The following DRICH1 variants were observed in gnomAD, a reference collection of about 807,000 sequenced individuals.
DRICH1 encodes the protein aspartate rich 1.
Under a neutral mutation model 39.5 loss-of-function variants are expected in DRICH1, and 38 were observed. The ratio of observed to expected loss-of-function variants is 0.96; its 90% CI spans 0.74 to 1.26. The LOEUF (loss-of-function observed/expected upper bound fraction) is 1.26, where lower values mean the gene tolerates loss of function less well. Ranked by LOEUF, DRICH1 falls within the 50% of genes most tolerant of loss-of-function variation. DRICH1 has a pLI of 0.00. For synonymous variants in DRICH1, 84 were observed against 99.5 expected, an observed-to-expected ratio of 0.84 and a Z score of 0.93; for missense variants, 279 against 270.4, an observed-to-expected ratio of 1.03 and a Z score of -0.22.
intron 8 of DRICH1, among the ~76,000 whole-genome samples, chr22:23,616,446 C>T (rs952493435): frequency 7.2e-5 from 11 of 152,206 alleles, no homozygotes; most frequent in African/African-American, 2.7e-4. Flanking sequence ...TCTATTTCTG[C>T]ACCTTCCCTA....
chr22:23,595,810 C>T, the DRICH1 span, among the ~76,000 whole-genome samples: 1 of 152,076 alleles, frequency 6.6e-6, no homozygotes, highest in African/African-American at 2.4e-5. Flanking sequence ...CTCAGGAAAC[C>T]CTAAGCCAGG....
chr22:23,596,022 ACC>A, the DRICH1 span, among the ~76,000 whole-genome samples: 1 of 152,208 alleles, frequency 6.6e-6, no homozygotes, highest in African/African-American at 2.4e-5. Flanking sequence ...CTGTCTTCTC[ACC>A]GGAGCTCTCA....
intron 6 of DRICH1, among the ~76,000 whole-genome samples, chr22:23,618,466 A>G (rs1360349543): frequency 6.6e-6 from 1 of 152,110 alleles, no homozygotes; most frequent in Admixed American, 6.6e-5. Flanking sequence ...ATATTAAAAT[A>G]CTAAAATTAA....
rs908902043 is a variant in DRICH1, at chr22:23,612,947, T to A, written c.685+342A>T. On this transcript the variant is annotated intron_variant, in intron 11 of 11. Coordinates refer to ENST00000317749, the MANE Select transcript of DRICH1 (RefSeq NM_016449.4). ...AGTTGTGTCCCCCAGATTCCCTTCA[T>A]CACAGATGACACCCAGTGCTTAGGC... is the stretch of plus-strand genomic sequence containing the variant. Among the ~76,000 whole-genome samples, 15 of 152,266 alleles carry A rather than the reference T, an allele frequency of 9.9e-5. No homozygotes were observed. The East Asian group carries it at 2.7e-3, about 27-fold the overall frequency.
At chr22:23,597,598 G>A in the DRICH1 span, among the ~76,000 whole-genome samples, 1 of 151,934 alleles carries the variant, frequency 6.6e-6, no homozygotes, top group Non-Finnish European at 1.5e-5. Flanking sequence ...CACTAAGCTG[G>A]GGATGAGATG....
At chr22:23,599,276 C>A in the DRICH1 span, among the ~76,000 whole-genome samples, 1 of 152,206 alleles carries the variant, frequency 6.6e-6, no homozygotes, top group Non-Finnish European at 1.5e-5. Context: ...CTGGCCCAGC[C>A]CAGTGTGCGT....
At chr22:23,603,482 T>C (rs532377389), downstream of DRICH1, among the ~76,000 whole-genome samples, 64 of 152,214 alleles carry the variant, frequency 4.2e-4, no homozygotes, top group South Asian at 6.2e-4. Context: ...ACAAATCTGA[T>C]GATCAGTCTC....
At chr22:23,601,492 A>G in the DRICH1 span, among the ~76,000 whole-genome samples, 3 of 152,248 alleles carry the variant, frequency 2.0e-5, no homozygotes, top group Admixed American at 2.0e-4. Context: ...TGTGCAGAAC[A>G]TTCTTGAAAT....
rs1291698408 is a variant in DRICH1 at position 23,608,738 on chromosome 22, A to T, written c.*26T>A. The T allele has an allele frequency of 9.6e-6, 15 of 1,556,898 alleles. No individual in the cohort carries two copies. In the Admixed American group the frequency reaches 2.9e-4, roughly 30 times the overall value. ...GCGCTGGCCTGCCCTTTGGGTCAGCACCCTGGTCAGCTCCACAGAAGGGCT... is the reference window on the plus strand; with the variant it reads ...GCGCTGGCCTGCCCTTTGGGTCAGCTCCCTGGTCAGCTCCACAGAAGGGCT... On this transcript the variant is annotated 3_prime_UTR_variant, in exon 12 of 12. Transcript: ENST00000317749.
the DRICH1 span, among the ~76,000 whole-genome samples, chr22:23,591,137 T>C: frequency 3.3e-5 from 5 of 152,158 alleles, no homozygotes; most frequent in Non-Finnish European, 5.9e-5. Flanking sequence ...TCTACATCTA[T>C]AGGCATCCCA....
Position 23,608,853 on chromosome 22 carries a change from G to A in DRICH1, c.686-85C>T, listed in dbSNP as rs368250119. ...CATCATCCCACTAAGCAGCCTCCAC[G>A]CCAGCATCCCTGGGCTCCCGCCTCT... On this transcript the variant is annotated intron_variant, in intron 11 of 11. Coordinates refer to ENST00000317749, the MANE Select transcript of DRICH1 (RefSeq NM_016449.4). 1.3e-4 allele frequency: 185 copies of A among 1,440,844 alleles called. No homozygotes were observed. The African/African-American group carries it at 2.1e-3, about 16-fold the overall frequency. The allele number at this position is 1,440,844 out of a possible 1,614,324, so 89.3% of individuals were successfully genotyped here.
intron 6 of DRICH1, 84 bp downstream of exon 6, chr22:23,619,280 A>T: frequency 1.3e-6 from 1 of 752,464 alleles, no homozygotes; most frequent in Non-Finnish European, 2.5e-6. Flanking sequence ...ACATACAAAT[A>T]AGTTGAAAGG....
At chr22:23,626,264 A>G (rs1928060024) in intron 1 of DRICH1, among the ~76,000 whole-genome samples, 1 of 152,190 alleles carries the variant, frequency 6.6e-6, no homozygotes, top group Non-Finnish European at 1.5e-5. Context: ...TGCATTCCGA[A>G]GTCCCAGAAG....
chr22:23,593,454 C>T, the DRICH1 span, among the ~76,000 whole-genome samples: 4 of 151,942 alleles, frequency 2.6e-5, no homozygotes, highest in African/African-American at 9.7e-5. Context: ...CACCTGAGGT[C>T]AGAAGTTCGA....
chr22:23,583,149 G>C, the DRICH1 span: 1 of 152,236 alleles, frequency 6.6e-6, no homozygotes, highest in African/African-American at 2.4e-5. Flanking sequence ...GCGTAGATAT[G>C]CTCTGGATAA....
chr22:23,606,060 A>T (rs1349252070), downstream of DRICH1, among the ~76,000 whole-genome samples: 1 of 151,880 alleles, frequency 6.6e-6, no homozygotes, highest in Non-Finnish European at 1.5e-5. Flanking sequence ...AAAAAAAAAA[A>T]ATTTTTTTTT....
intron 9 of DRICH1, 70 bp from the exon 10 acceptor site, chr22:23,613,730 CTCTGG>C: frequency 8.4e-7 from 1 of 1,191,960 alleles, no homozygotes; most frequent in Non-Finnish European, 1.2e-6. Context: ...ATCTGTTATT[CTCTGG>C]ACAACGATAA....
At chr22:23,605,343 C>T (rs959417176), downstream of DRICH1, among the ~76,000 whole-genome samples, 9 of 152,138 alleles carry the variant, frequency 5.9e-5, no homozygotes, top group Admixed American at 6.5e-5. Context: ...GCACCAGCAC[C>T]GTGTAGGCTT....
chr22:23,614,512 A>G (rs1927237788), intron 8 of DRICH1, among the ~76,000 whole-genome samples: 2 of 152,186 alleles, frequency 1.3e-5, no homozygotes, highest in African/African-American at 2.4e-5. Flanking sequence ...TCCCTCTCAA[A>G]TGTTTTGAAA....
Sources: allele counts gnomAD v4.1 joint callset (sites outside exome capture counted in the v4.1 genomes callset), GRCh38; gene constraint gnomAD v4.1.1; transcripts MANE v1.5; gene names NCBI Gene and HGNC (gene_info 2026-07-23, HGNC 2026-07-21).